SBNO1: variants seen among roughly 807,000 people sequenced by gnomAD.
The protein encoded by SBNO1 is strawberry notch homolog 1, also known as protein strawberry notch homolog 1.
SBNO1 carries 23 observed loss-of-function variants against 173.6 expected under a neutral mutation model. The ratio of observed to expected loss-of-function variants is 0.13; its 90% CI spans 0.10 to 0.19. The LOEUF is 0.19. Ranked by LOEUF, SBNO1 falls within the 10% of genes least tolerant of loss-of-function variation. SBNO1 has a pLI of 1.00. For missense variants in SBNO1, 1,238 were observed against 1,671.2 expected, an observed-to-expected ratio of 0.74 and a Z score of 4.52; for synonymous variants, 632 against 571.5, an observed-to-expected ratio of 1.11 and a Z score of -1.51.
intron 20 of SBNO1, among the ~76,000 whole-genome samples, chr12:123,318,640 C>G (rs1427580650): frequency 6.7e-6 from 1 of 148,456 alleles, no homozygotes; most frequent in Non-Finnish European, 1.5e-5. Context: ...GGCTGAGGCA[C>G]AAGAATCACT....
intron 30 of SBNO1, among the ~76,000 whole-genome samples, chr12:123,300,978 A>C (rs982233082): frequency 1.3e-5 from 2 of 149,756 alleles, no homozygotes; most frequent in South Asian, 2.1e-4. Context: ...AACAAAAAAA[A>C]ACAAAAAAAA....
rs11057246 is a variant in SBNO1, at chr12:123,293,284, G to A, written c.*2624C>T. 4,197 of 152,178 alleles carry A rather than the reference G, an allele frequency of 0.028. 92 individuals are homozygous for A. The highest frequency in any genetic ancestry group is 0.053 in the South Asian group (256 of 4,820). 9.4% of individuals were successfully genotyped at this position (152,178 alleles called of 1,614,324 possible). Reference sequence around the variant, plus strand: ...TTGCCATGTGGACCAGGCTGGTCTCGAACTCCTGGCCTCAAGTGATGCACC... The same window carrying A: ...TTGCCATGTGGACCAGGCTGGTCTCAAACTCCTGGCCTCAAGTGATGCACC... On this transcript the variant is annotated 3_prime_UTR_variant, in exon 32 of 32. Transcript: ENST00000602398.
At chr12:123,319,097 G>T (rs940750305) in intron 20 of SBNO1, among the ~76,000 whole-genome samples, 1 of 151,576 alleles carries the variant, frequency 6.6e-6, no homozygotes. Context: ...CTGAGTAGCT[G>T]GGACTACAGG....
intron 13 of SBNO1, 127 bp downstream of exon 13, chr12:123,327,299 T>C (rs1450915496): frequency 6.3e-6 from 5 of 792,136 alleles, no homozygotes; most frequent in South Asian, 3.6e-5. Flanking sequence ...ACACCGTGCC[T>C]GGCTTCATCT....
chr12:123,352,374 C>T (rs1873977736), intron 1 of SBNO1, among the ~76,000 whole-genome samples: 1 of 152,212 alleles, frequency 6.6e-6, no homozygotes, highest in Non-Finnish European at 1.5e-5. Context: ...TACAATGGCG[C>T]GGTCTCGGCT....
At chr12:123,317,705 T>C (rs1869449309) in intron 20 of SBNO1, among the ~76,000 whole-genome samples, 1 of 152,190 alleles carries the variant, frequency 6.6e-6, no homozygotes, top group African/African-American at 2.4e-5. Flanking sequence ...CATAATTTAA[T>C]GAACAACACG....
intron 13 of SBNO1, among the ~76,000 whole-genome samples, chr12:123,326,830 G>A (rs1870662927): frequency 6.6e-6 from 1 of 152,124 alleles, no homozygotes; most frequent in Non-Finnish European, 1.5e-5. Context: ...AGGAGGCAGA[G>A]TCTGGAGGAC....
At chr12:123,326,399 T>C in intron 13 of SBNO1, 65 bp from the exon 14 acceptor site, 1 of 1,072,334 alleles carries the variant, frequency 9.3e-7, no homozygotes, top group African/African-American at 1.5e-5. Context: ...AAAATACCAA[T>C]TAAATCAAAA....
At chr12:123,300,776 A>G (rs1368335834) in intron 30 of SBNO1, among the ~76,000 whole-genome samples, 1 of 151,908 alleles carries the variant, frequency 6.6e-6, no homozygotes, top group African/African-American at 2.4e-5. Context: ...CTTGGCCAAC[A>G]TGGTAAAACC....
chr12:123,296,641 A>G (rs966913928), intron 31 of SBNO1, among the ~76,000 whole-genome samples: 1 of 151,472 alleles, frequency 6.6e-6, no homozygotes, highest in African/African-American at 2.4e-5. Flanking sequence ...GCTCATTGCA[A>G]CCTCCGCCTC....
intron 31 of SBNO1, 138 bp downstream of exon 31, chr12:123,297,836 TAAGA>T: frequency 1.4e-6 from 1 of 713,984 alleles, no homozygotes; most frequent in Non-Finnish European, 2.3e-6. Flanking sequence ...TTCAACCTTG[TAAGA>T]AATATAAAAC....
chr12:123,321,746 C>A lies in SBNO1; in HGVS notation c.2126-14G>T. On this transcript the variant is annotated splice_polypyrimidine_tract_variant and intron_variant, in intron 16 of 31. Coordinates refer to ENST00000602398, the MANE Select transcript of SBNO1 (RefSeq NM_001167856.3). Reference sequence around the variant, plus strand: ...TTATTTCTTCACCTACCCTCCGCCACAAACAAGAGAGTCAGCCCAAATTCA... The same window carrying A: ...TTATTTCTTCACCTACCCTCCGCCAAAAACAAGAGAGTCAGCCCAAATTCA... 12 of 1,611,110 alleles carry A rather than the reference C, an allele frequency of 7.4e-6. No individual in the cohort carries two copies. The highest frequency in any genetic ancestry group is 1.0e-5 in the Non-Finnish European group (12 of 1,177,586).
intron 30 of SBNO1, among the ~76,000 whole-genome samples, chr12:123,300,933 T>A (rs1378019104): frequency 1.4e-5 from 2 of 144,832 alleles, no homozygotes; most frequent in African/African-American, 5.1e-5. Flanking sequence ...CACTCCAGCC[T>A]GGGTGACAGA....
At chr12:123,316,205 G>T (rs10773007) in intron 21 of SBNO1, among the ~76,000 whole-genome samples, 9,486 of 152,164 alleles carry the variant, frequency 0.062, 332 homozygotes, top group South Asian at 0.11. Context: ...GAGATTTCGA[G>T]ATAAGATATA....
intron 1 of SBNO1, among the ~76,000 whole-genome samples, chr12:123,352,743 C>G (rs1874027754): frequency 6.6e-6 from 1 of 152,114 alleles, no homozygotes; most frequent in Non-Finnish European, 1.5e-5. Context: ...AACCAGATAC[C>G]CAGAATGAAA....
chr12:123,298,368 G>A (rs777936459), intron 30 of SBNO1, among the ~76,000 whole-genome samples, 197 bp from the exon 31 acceptor site: 10 of 152,126 alleles, frequency 6.6e-5, no homozygotes, highest in Non-Finnish European at 1.3e-4. Context: ...CCAGGGTCAA[G>A]TGATTCTCCT....
At chr12:123,349,383 T>C (rs1449072232) in intron 2 of SBNO1, among the ~76,000 whole-genome samples, 1 of 152,106 alleles carries the variant, frequency 6.6e-6, no homozygotes, top group Non-Finnish European at 1.5e-5. Context: ...ATTACTGGCA[T>C]GAGACACTAT....
Position 123,345,508 on chromosome 12 carries a change from T to A in SBNO1, c.300A>T (p.Gly100=). The part of the protein sequence containing the change: ...LNQINHLPPL[G]STIVMTKTPP... Reference sequence around the variant, plus strand: ...GTGTTTTAGTCATTACAATTGTAGATCCCAAGGGTGGAAGATGATTTATTT... The same window carrying A: ...GTGTTTTAGTCATTACAATTGTAGAACCCAAGGGTGGAAGATGATTTATTT... The change falls in exon 4 of 32, where the codon GGA becomes GGT. Residue 100 remains glycine, a synonymous_variant. Transcript: ENST00000602398. 6.2e-7 allele frequency: 1 copy of A among 1,614,022 alleles called. No individual in the cohort carries two copies. Among genetic ancestry groups the A allele is most frequent in the Non-Finnish European group, 8.5e-7 (1 of 1,179,992 alleles).
At chr12:123,350,021 G>A (rs554690674) in intron 2 of SBNO1, among the ~76,000 whole-genome samples, 5 of 152,222 alleles carry the variant, frequency 3.3e-5, no homozygotes, top group African/African-American at 4.8e-5. Flanking sequence ...CTGGGAGGCC[G>A]AGGTTGGCAA....
Sources: allele counts gnomAD v4.1 joint callset (sites outside exome capture counted in the v4.1 genomes callset), GRCh38; gene constraint gnomAD v4.1.1; transcripts MANE v1.5; gene names NCBI Gene and HGNC (gene_info 2026-07-23, HGNC 2026-07-21).